EPHA6: variants seen among roughly 807,000 people sequenced by gnomAD.
EPHA6 encodes ephrin type-A receptor 6.
A neutral mutation model predicts 112.0 loss-of-function variants in EPHA6; 50 were observed. That is an observed-to-expected ratio of 0.45 (90% CI 0.36 to 0.56). EPHA6 has a LOEUF of 0.56. Among genes scored for constraint, EPHA6 ranks in the 20% least tolerant of loss-of-function variants. The probability of loss-of-function intolerance (pLI) is 0.00; values close to 1 mark genes in which losing one functional copy is unlikely to be tolerated. For missense variants in EPHA6, 1,280 were observed against 1,417.4 expected, an observed-to-expected ratio of 0.90 and a Z score of 1.56; for synonymous variants, 529 against 490.7, an observed-to-expected ratio of 1.08 and a Z score of -1.03.
chr3:97,292,234 G>A (rs548711517), intron 5 of EPHA6, among the ~76,000 whole-genome samples: 4 of 152,368 alleles, frequency 2.6e-5, no homozygotes, highest in South Asian at 2.1e-4. Context: ...AGGGTGTTAC[G>A]GCGTGTCAGA....
Position 96,926,366 on chromosome 3 carries a change from C to T in EPHA6, c.450+59477C>T, listed in dbSNP as rs1179928887. On this transcript the variant is annotated intron_variant, in intron 2 of 17. Coordinates refer to ENST00000389672, the MANE Select transcript of EPHA6 (RefSeq NM_001080448.3). ...GATATATTTGGGTGGGGACACAGAA[C>T]CAGATCATATCATTCCATCCCTGCC... Among the ~76,000 whole-genome samples the T allele has an allele frequency of 2.0e-5, 3 of 152,250 alleles. No individual in the cohort carries two copies. In the East Asian group the frequency reaches 5.8e-4, roughly 29 times the overall value.
chr3:96,836,805 C>G (rs1466301289), intron 1 of EPHA6, among the ~76,000 whole-genome samples: 1 of 150,020 alleles, frequency 6.7e-6, no homozygotes, highest in Non-Finnish European at 1.5e-5. Context: ...TCTGTGCTGC[C>G]AACACACATA....
At chr3:97,194,700 TC>T (rs2077395258) in intron 3 of EPHA6, among the ~76,000 whole-genome samples, 1 of 152,066 alleles carries the variant, frequency 6.6e-6, no homozygotes, top group South Asian at 2.1e-4. Flanking sequence ...TTGGTGTTTT[TC>T]CCTCTCTAGC....
intron 3 of EPHA6, among the ~76,000 whole-genome samples, chr3:97,015,607 G>T (rs1275557379): frequency 6.6e-6 from 1 of 152,176 alleles, no homozygotes; most frequent in Non-Finnish European, 1.5e-5. Context: ...AATAAATTAT[G>T]TTTGGGAAAG....
At chr3:97,544,641 G>C (rs976032035) in intron 11 of EPHA6, among the ~76,000 whole-genome samples, 1 of 152,062 alleles carries the variant, frequency 6.6e-6, no homozygotes, top group Non-Finnish European at 1.5e-5. Flanking sequence ...TTTTTCTATT[G>C]ATTAGAATAG....
chr3:97,170,444 A>AC (rs1264256600), intron 3 of EPHA6, among the ~76,000 whole-genome samples: 2 of 152,128 alleles, frequency 1.3e-5, no homozygotes, highest in Non-Finnish European at 2.9e-5. Flanking sequence ...AAAAGAGATT[A>AC]AGAAATATGG....
intron 2 of EPHA6, among the ~76,000 whole-genome samples, chr3:96,979,104 A>C (rs1398109582): frequency 6.6e-6 from 1 of 152,110 alleles, no homozygotes; most frequent in Non-Finnish European, 1.5e-5. Context: ...ACATGTGCAC[A>C]ACGTGCAGGT....
chr3:97,559,582 A>G (rs570970279), intron 11 of EPHA6: 29 of 454,250 alleles, frequency 6.4e-5, no homozygotes, highest in African/African-American at 3.0e-4. Context: ...CTTCTTTCTC[A>G]TATTTCAGAG....
chr3:97,437,381 A>T (rs1577407509), intron 6 of EPHA6, among the ~76,000 whole-genome samples: 1 of 152,282 alleles, frequency 6.6e-6, no homozygotes, highest in South Asian at 2.1e-4. Context: ...CCATTCTGCC[A>T]TGTCGTTATA....
chr3:97,627,390 G>A (rs2093867019), intron 13 of EPHA6, among the ~76,000 whole-genome samples: 1 of 151,822 alleles, frequency 6.6e-6, no homozygotes, highest in South Asian at 2.1e-4. Context: ...ATTACATTGA[G>A]TGGCAGAGAA....
intron 16 of EPHA6, among the ~76,000 whole-genome samples, chr3:97,738,835 G>T (rs1411635685): frequency 5.3e-5 from 8 of 152,042 alleles, no homozygotes; most frequent in African/African-American, 1.9e-4. Flanking sequence ...ATGTGATACT[G>T]CTTTTGCCAT....
chr3:97,001,017 G>GAAATATATATATATATATATATATAT (rs772087445), intron 3 of EPHA6, among the ~76,000 whole-genome samples: 1 of 114,538 alleles, frequency 8.7e-6, no homozygotes, highest in African/African-American at 4.2e-5. Context: ...GTCAGAAATT[G>GAAATATATATATATATATATATATAT]ATATATATAT....
rs1553684576 is a variant in EPHA6, at chr3:96,994,759, A to AGC, written c.1114+6767_1114+6768insCG. On this transcript the variant is annotated intron_variant, in intron 3 of 17. Coordinates refer to ENST00000389672, the MANE Select transcript of EPHA6 (RefSeq NM_001080448.3). ...GAGAGAGAGAGAGAGAGAGAGAGAG[A>AGC]GAGCTATATATATACCTACAGGCTG... is the stretch of plus-strand genomic sequence containing the variant. Among the ~76,000 whole-genome samples, 805 of 116,204 alleles carry AGC rather than the reference A, an allele frequency of 6.9e-3. 15 individuals are homozygous for AGC. The highest frequency in any genetic ancestry group is 1.0e-2 in the South Asian group (39 of 3,912). 76.2% of individuals were successfully genotyped at this position (116,204 alleles called of 152,430 possible).
Position 97,405,198 on chromosome 3 carries a change from G to C in EPHA6, c.1655G>C (p.Ser552Thr). 1 of 1,607,740 alleles carries C rather than the reference G, an allele frequency of 6.2e-7. No homozygotes were observed. Among genetic ancestry groups the C allele is most frequent in the Non-Finnish European group, 8.5e-7 (1 of 1,176,634 alleles). ...VVRKDWASQN[S>T]IALSWQAPAF... ...AGGAAGGACTGGGCATCCCAAAATA[G>C]CATTGCCCTATCATGGCAAGCACCT... The change falls in exon 6 of 18, where the codon AGC becomes ACC. Residue 552 changes from serine (S) to threonine (T), a missense_variant. Ser to Thr is a moderately conservative substitution (Grantham distance 58, BLOSUM62 1). Coordinates refer to ENST00000389672, the MANE Select transcript of EPHA6 (RefSeq NM_001080448.3).
chr3:97,614,763 G>A (rs942115225), intron 13 of EPHA6, among the ~76,000 whole-genome samples: 2 of 152,094 alleles, frequency 1.3e-5, no homozygotes, highest in Non-Finnish European at 2.9e-5. Context: ...ATTTAATTAA[G>A]TAAGGAAATC....
chr3:97,663,805 G>A (rs987028523), intron 14 of EPHA6, among the ~76,000 whole-genome samples: 4 of 152,140 alleles, frequency 2.6e-5, no homozygotes, highest in African/African-American at 9.7e-5. Flanking sequence ...ACGTGTGTAT[G>A]TGTCTTTATA....
intron 15 of EPHA6, among the ~76,000 whole-genome samples, chr3:97,733,988 A>G (rs1412478111): frequency 2.6e-5 from 4 of 152,036 alleles, no homozygotes; most frequent in African/African-American, 9.7e-5. Context: ...TTTAGTTCAA[A>G]TTTCAACCCT....
intron 3 of EPHA6, among the ~76,000 whole-genome samples, chr3:97,169,610 G>A (rs1223041885): frequency 2.0e-5 from 3 of 151,946 alleles, no homozygotes; most frequent in African/African-American, 7.3e-5. Context: ...CATTTCATTT[G>A]CAGATGAAAA....
chr3:97,750,835 A>G lies in EPHA6; in HGVS notation c.*2134A>G, dbSNP rs1436549514. ...CTTTAGATGTTTCTTAAAATATACAAAAAAAGGTAGGGGGTGATGGGAAAA... is the reference window on the plus strand; with the variant it reads ...CTTTAGATGTTTCTTAAAATATACAGAAAAAGGTAGGGGGTGATGGGAAAA... On this transcript the variant is annotated 3_prime_UTR_variant, in exon 18 of 18. Transcript: ENST00000389672. Among the ~76,000 whole-genome samples the G allele has an allele frequency of 2.0e-5, 3 of 152,144 alleles. No homozygotes were observed. The highest frequency in any genetic ancestry group is 2.9e-5 in the Non-Finnish European group (2 of 68,026).
Sources: allele counts gnomAD v4.1 joint callset (sites outside exome capture counted in the v4.1 genomes callset), GRCh38; gene constraint gnomAD v4.1.1; transcripts MANE v1.5; gene names NCBI Gene and HGNC (gene_info 2026-07-23, HGNC 2026-07-21).